CELF2: variants seen among roughly 807,000 people sequenced by gnomAD.
CELF2 encodes the protein CUGBP Elav-like family member 2.
CELF2 carries 8 observed loss-of-function variants against 62.6 expected under a neutral mutation model. That is an observed-to-expected ratio of 0.13 (90% CI 0.07 to 0.23). CELF2 has a LOEUF of 0.23. CELF2 is among the 10% of genes least tolerant of loss of function. CELF2 has a pLI of 1.00. For synonymous variants in CELF2, 258 were observed against 250.0 expected (o/e 1.03, Z -0.30); for missense variants, 333 against 671.0 (o/e 0.50, Z 5.56).
the CELF2 span, among the ~76,000 whole-genome samples, chr10:10,508,876 A>C: frequency 6.6e-6 from 1 of 152,010 alleles, no homozygotes; most frequent in Admixed American, 6.6e-5. Flanking sequence ...GGGTTTCACT[A>C]TCTTAGCCAG....
Position 11,324,619 on chromosome 10 carries a change from GCCTCAA to G in CELF2, c.1295-1216_1295-1211del, listed in dbSNP as rs2095627554. ...GTTCACTCTGTGGCTTCCATAGTTT[GCCTCAA>G]GAAGTTTTCTTTGTGAAAAGTCCCA... On this transcript the variant is annotated intron_variant, in intron 11 of 12. Coordinates refer to ENST00000633077, the MANE Select transcript of CELF2 (RefSeq NM_001326342.2). The surrounding 1 kb of genome is among the most constrained non-coding windows in gnomAD (Gnocchi z 4.7). Among the ~76,000 whole-genome samples, 1 of 152,222 alleles carries G rather than the reference GCCTCAA, an allele frequency of 6.6e-6. No individual in the cohort carries two copies.
chr10:10,926,240 G>T (rs75211353), intron 2 of CELF2, among the ~76,000 whole-genome samples: 4,161 of 152,190 alleles, frequency 0.027, 89 homozygotes, highest in Non-Finnish European at 0.044. Context: ...AGAATGAATG[G>T]GAGGTGGTGA....
In CELF2 at chr10:11,020,102, C is replaced by G. The variant is rs148222315; in HGVS notation, c.74+1939C>G. On this transcript the variant is annotated intron_variant, in intron 1 of 12. Transcript: ENST00000633077. ...ATTTGGTGGATGAATGTGGCCTGTT[C>G]AAGCGATTTGCTCTGAACTGAGCCC... 2.6e-4 allele frequency among the ~76,000 whole-genome samples: 39 copies of G among 152,298 alleles called. 2 individuals carry two copies. In the East Asian group the frequency reaches 6.9e-3, roughly 27 times the overall value.
At chr10:11,057,203 C>T (rs1005846109) in intron 1 of CELF2, among the ~76,000 whole-genome samples, 25 of 150,180 alleles carry the variant, frequency 1.7e-4, no homozygotes, top group African/African-American at 5.9e-4. Flanking sequence ...CCATGAGATG[C>T]AACAGAAGCT....
intron 2 of CELF2, among the ~76,000 whole-genome samples, chr10:10,982,030 A>G: frequency 7.5e-6 from 1 of 133,838 alleles, no homozygotes; most frequent in Non-Finnish European, 1.5e-5. Flanking sequence ...ATCTCAGCCC[A>G]CTGCAGCCTC....
the CELF2 span, among the ~76,000 whole-genome samples, chr10:10,648,689 C>T: frequency 6.6e-6 from 1 of 152,164 alleles, no homozygotes; most frequent in Non-Finnish European, 1.5e-5. Flanking sequence ...TTTTCTCTTA[C>T]AGCTTGTTGA....
chr10:11,204,835 C>A (rs1315064636), intron 2 of CELF2, among the ~76,000 whole-genome samples: 1 of 152,186 alleles, frequency 6.6e-6, no homozygotes, highest in Non-Finnish European at 1.5e-5. Context: ...CTTGTGAAGC[C>A]CAGTGTTAAC....
the CELF2 span, among the ~76,000 whole-genome samples, chr10:10,694,882 C>T: frequency 1.3e-5 from 2 of 151,146 alleles, no homozygotes; most frequent in African/African-American, 4.9e-5. Flanking sequence ...TTCCTCCATC[C>T]TTTTATTTTG....
chr10:10,690,634 C>A, the CELF2 span, among the ~76,000 whole-genome samples: 5 of 152,156 alleles, frequency 3.3e-5, no homozygotes, highest in African/African-American at 1.2e-4. Flanking sequence ...AATCTCAGCA[C>A]TTTGGGAGGC....
Position 11,321,140 on chromosome 10 carries a change from TAATG to T in CELF2, c.1097-45_1097-42del. 2 of 1,584,080 alleles carry T rather than the reference TAATG, an allele frequency of 1.3e-6. No homozygotes were observed. Among genetic ancestry groups the T allele is most frequent in the Non-Finnish European group, 1.7e-6 (2 of 1,153,140 alleles). ...TTCTCTAACTTCCTTTGGAAAGCACTAATGAATAAGTGCTGTTTCTCTTCTCTAT... is the reference window on the plus strand; with the variant it reads ...TTCTCTAACTTCCTTTGGAAAGCACTAATAAGTGCTGTTTCTCTTCTCTAT... On this transcript the variant is annotated intron_variant, in intron 10 of 12. Coordinates refer to ENST00000633077, the MANE Select transcript of CELF2 (RefSeq NM_001326342.2). This position sits in a 1 kb window ranked among gnomAD's most constrained non-coding sequence, Gnocchi z 6.2.
intron 1 of CELF2, among the ~76,000 whole-genome samples, chr10:10,830,444 T>G (rs2057755740): frequency 6.6e-6 from 1 of 152,186 alleles, no homozygotes; most frequent in Non-Finnish European, 1.5e-5. Context: ...GCTTAAAAAA[T>G]ATAACATAGT....
At chr10:10,878,399 C>T (rs2061245100) in intron 1 of CELF2, among the ~76,000 whole-genome samples, 1 of 152,200 alleles carries the variant, frequency 6.6e-6, no homozygotes, top group Non-Finnish European at 1.5e-5. Flanking sequence ...GGACAAGACA[C>T]TTGCTTTGTG....
rs1042066837 is a variant in CELF2 at position 11,332,219 on chromosome 10, C to T, written c.*3166C>T. On this transcript the variant is annotated 3_prime_UTR_variant, in exon 13 of 13. Coordinates refer to ENST00000633077, the MANE Select transcript of CELF2 (RefSeq NM_001326342.2). Reference sequence around the variant, plus strand: ...TATGCTTTTGAGATCACGTTTAGTGCTATGTCCTAGTCTAGAATATTTTCA... The same window carrying T: ...TATGCTTTTGAGATCACGTTTAGTGTTATGTCCTAGTCTAGAATATTTTCA... The T allele has an allele frequency of 6.6e-6, 1 of 152,202 alleles. No individual in the cohort carries two copies. Among genetic ancestry groups the T allele is most frequent in the African/African-American group, 2.4e-5 (1 of 41,448 alleles). 9.4% of individuals were successfully genotyped at this position (152,202 alleles called of 1,614,324 possible). A position where few individuals can be genotyped will look rare whatever the true frequency, so the allele number is the denominator to read the frequency against.
intron 1 of CELF2, among the ~76,000 whole-genome samples, chr10:11,088,049 G>GGT (rs1476727902): frequency 1.3e-5 from 2 of 152,342 alleles, no homozygotes; most frequent in East Asian, 3.9e-4. Context: ...TGGGAACACA[G>GGT]GTGTTAAGGT....
chr10:10,826,172 A>C (rs1274798293), intron 1 of CELF2, among the ~76,000 whole-genome samples: 2 of 147,600 alleles, frequency 1.4e-5, no homozygotes, highest in Non-Finnish European at 3.0e-5. Context: ...TGGATGGGGC[A>C]AAAAAAAAAC....
intron 1 of CELF2, among the ~76,000 whole-genome samples, chr10:11,031,941 C>T (rs1253979877): frequency 6.6e-6 from 1 of 152,066 alleles, no homozygotes; most frequent in African/African-American, 2.4e-5. Context: ...TTCATTTGCT[C>T]CATTGTTGAC....
intron 2 of CELF2, among the ~76,000 whole-genome samples, chr10:11,181,023 G>A (rs1013911829): frequency 1.1e-4 from 16 of 152,164 alleles, no homozygotes; most frequent in African/African-American, 3.6e-4. Context: ...GTGGCTGCCA[G>A]TATGCCCTGC....
intron 1 of CELF2, among the ~76,000 whole-genome samples, chr10:11,100,096 C>T (rs1293489441): frequency 1.3e-5 from 2 of 151,842 alleles, no homozygotes; most frequent in Non-Finnish European, 2.9e-5. Context: ...TCCAGTTGCC[C>T]AGGAGGCTGA....
intron 1 of CELF2, among the ~76,000 whole-genome samples, chr10:10,888,434 G>A (rs542511750): frequency 6.6e-6 from 1 of 152,318 alleles, no homozygotes; most frequent in African/African-American, 2.4e-5. Flanking sequence ...AAATTGCCAT[G>A]TGATTATCGT....
Sources: gnomAD v4.1 joint callset for allele counts (sites outside exome capture counted in the v4.1 genomes callset) on GRCh38, gnomAD v4.1.1 for gene constraint, Gnocchi (gnomAD v3.1) non-coding constraint, MANE v1.5 for transcripts, NCBI Gene and HGNC (gene_info 2026-07-23, HGNC 2026-07-21) for gene names.